The following XPR1 variants were observed in gnomAD, a reference collection of about 807,000 sequenced individuals.
XPR1 encodes the protein solute carrier family 53 member 1.
In XPR1, 28 loss-of-function variants were observed where a neutral mutation model predicts 87.5. That is an observed-to-expected ratio of 0.32 (90% CI 0.24 to 0.44). The LOEUF is 0.44. XPR1 is among the 20% of genes least tolerant of loss of function. XPR1 has a pLI of 1.00. For synonymous variants in XPR1, 300 were observed against 306.1 expected (o/e 0.98, Z 0.21); for missense variants, 559 against 862.3 (o/e 0.65, Z 4.41).
rs372750102 is a variant in XPR1 at position 180,864,020 on chromosome 1, G to T, written c.1668+146G>T. On this transcript the variant is annotated intron_variant, in intron 12 of 14. Transcript: ENST00000367590. ...ACAAAAATACTAATTCATTCGGTCA[G>T]CAAAAATATATTAGATGTTTACTAT... 12 of 597,760 alleles carry T rather than the reference G, an allele frequency of 2.0e-5. No homozygotes were observed. In the South Asian group the frequency reaches 7.7e-4, roughly 38 times the overall value. The allele number at this position is 597,760 out of a possible 1,614,324, so 37.0% of individuals were successfully genotyped here. A position where few individuals can be genotyped will look rare whatever the true frequency, so the allele number is the denominator to read the frequency against.
chr1:180,634,460 TAG>T (rs1488880619), intron 1 of XPR1, among the ~76,000 whole-genome samples: 4 of 152,168 alleles, frequency 2.6e-5, no homozygotes, highest in African/African-American at 9.7e-5. Context: ...TTAAAAGTAA[TAG>T]AGAGATGTAA....
At position 180,889,292 on chromosome 1, in the gene XPR1, G is replaced by A. The variant is rs80233020; in HGVS notation, c.*5226G>A. On this transcript the variant is annotated 3_prime_UTR_variant, in exon 15 of 15. Transcript: ENST00000367590. ...TAACCTATTGTTTGCCTTGGATTCA[G>A]TATATCTACTAAGTACACAGTCTCG... 2.0e-3 allele frequency: 308 copies of A among 152,344 alleles called. 2 individuals are homozygous for A. Among genetic ancestry groups the A allele is most frequent in the African/African-American group, 7.2e-3 (298 of 41,574 alleles). 9.4% of individuals were successfully genotyped at this position (152,344 alleles called of 1,614,324 possible). A position where few individuals can be genotyped will look rare whatever the true frequency, so the allele number is the denominator to read the frequency against.
At chr1:180,839,951 C>T (rs1056921265) in intron 11 of XPR1, among the ~76,000 whole-genome samples, 5 of 151,738 alleles carry the variant, frequency 3.3e-5, no homozygotes, top group African/African-American at 7.2e-5. Context: ...CGGCCGGGCG[C>T]GGTGGCTCAC....
At chr1:180,652,946 A>C (rs1655343325) in intron 1 of XPR1, among the ~76,000 whole-genome samples, 1 of 152,182 alleles carries the variant, frequency 6.6e-6, no homozygotes, top group Non-Finnish European at 1.5e-5. Flanking sequence ...CAGTCATCTC[A>C]AGGCTTCACT....
At chr1:180,849,966 A>G (rs1651811099) in intron 11 of XPR1, among the ~76,000 whole-genome samples, 1 of 152,144 alleles carries the variant, frequency 6.6e-6, no homozygotes, top group Middle Eastern at 3.2e-3. Flanking sequence ...TTCTCCCATC[A>G]GCTTTTATTC....
intron 2 of XPR1, among the ~76,000 whole-genome samples, chr1:180,691,234 T>C (rs893203446): frequency 6.6e-6 from 1 of 152,154 alleles, no homozygotes; most frequent in Non-Finnish European, 1.5e-5. Context: ...CCGTTTCTTT[T>C]TGTGTTTTTA....
chr1:180,720,993 G>A (rs1325170357), intron 2 of XPR1, among the ~76,000 whole-genome samples: 1 of 152,132 alleles, frequency 6.6e-6, no homozygotes, highest in Non-Finnish European at 1.5e-5. Flanking sequence ...CCAGCACTTT[G>A]GGAGGCTGAA....
At chr1:180,792,391 G>T (rs1649421094) in intron 3 of XPR1, among the ~76,000 whole-genome samples, 1 of 152,088 alleles carries the variant, frequency 6.6e-6, no homozygotes, top group Non-Finnish European at 1.5e-5. Context: ...CTAAAATTTG[G>T]AATTTTTTTC....
rs541827111 is a variant in XPR1 at position 180,709,229 on chromosome 1, GT to G, written c.121+26822del. Among the ~76,000 whole-genome samples the G allele has an allele frequency of 2.6e-5, 4 of 152,302 alleles. No individual in the cohort carries two copies. In the East Asian group the frequency reaches 7.7e-4, roughly 29 times the overall value. ...CCGTGCCCGGCCATAAGCATGTAAAGTTTTAAAGAAAAGCAGCTTTTATCTC... is the reference window on the plus strand; with the variant it reads ...CCGTGCCCGGCCATAAGCATGTAAAGTTTAAAGAAAAGCAGCTTTTATCTC... On this transcript the variant is annotated intron_variant, in intron 2 of 14. Transcript: ENST00000367590.
At chr1:180,727,592 C>G (rs193024384) in intron 2 of XPR1, among the ~76,000 whole-genome samples, 3 of 152,032 alleles carry the variant, frequency 2.0e-5, no homozygotes, top group Non-Finnish European at 4.4e-5. Flanking sequence ...TGCAGTGAGC[C>G]GAGATCGCAC....
rs1653056524 is a variant in XPR1, at chr1:180,887,661, G to A, written c.*3595G>A. The A allele has an allele frequency of 6.6e-6, 1 of 152,176 alleles. No individual in the cohort carries two copies. The highest frequency in any genetic ancestry group is 1.5e-5 in the Non-Finnish European group (1 of 68,024). The allele number at this position is 152,176 out of a possible 1,614,324, so 9.4% of individuals were successfully genotyped here. ...CTGCTTAACTTCCGTCAGAAGCAAA[G>A]GTGTGGGAGAACACCATTCACCTCA... On this transcript the variant is annotated 3_prime_UTR_variant, in exon 15 of 15. Coordinates refer to ENST00000367590, the MANE Select transcript of XPR1 (RefSeq NM_004736.4).
intron 5 of XPR1, 128 bp downstream of exon 5, chr1:180,806,339 T>C: frequency 6.8e-7 from 1 of 1,469,598 alleles, no homozygotes; most frequent in South Asian, 1.3e-5. Context: ...ACCTGTGATT[T>C]TTTTTCATTT....
chr1:180,830,178 C>T (rs572319622), intron 9 of XPR1, among the ~76,000 whole-genome samples: 1 of 152,232 alleles, frequency 6.6e-6, no homozygotes, highest in East Asian at 1.9e-4. Flanking sequence ...AAACTGGTGC[C>T]AGAGCTTCTT....
chr1:180,781,361 T>G (rs1648932159), intron 2 of XPR1, among the ~76,000 whole-genome samples: 1 of 151,926 alleles, frequency 6.6e-6, no homozygotes, highest in East Asian at 1.9e-4. Context: ...TTAAGAAAAT[T>G]GAGAATAGTA....
chr1:180,704,270 ATATATATT>A (rs1279974004), intron 2 of XPR1, among the ~76,000 whole-genome samples: 3 of 140,622 alleles, frequency 2.1e-5, no homozygotes, highest in African/African-American at 7.8e-5. Flanking sequence ...ATATATATAT[ATATATATT>A]ATCAGATTAT....
intron 2 of XPR1, among the ~76,000 whole-genome samples, chr1:180,685,941 C>G (rs1656756409): frequency 6.6e-6 from 1 of 152,044 alleles, no homozygotes; most frequent in African/African-American, 2.4e-5. Context: ...AAAACCAGCT[C>G]CTGGATTCAT....
At chr1:180,840,063 A>G (rs545169781) in intron 11 of XPR1, among the ~76,000 whole-genome samples, 5 of 151,786 alleles carry the variant, frequency 3.3e-5, no homozygotes, top group African/African-American at 1.2e-4. Context: ...CTCTACTAAA[A>G]ATACAAAAAA....
intron 11 of XPR1, among the ~76,000 whole-genome samples, chr1:180,863,207 C>T (rs188454793): frequency 6.6e-6 from 1 of 152,112 alleles, no homozygotes; most frequent in Admixed American, 6.6e-5. Flanking sequence ...GGCATTTTAT[C>T]TAGACTTAGG....
intron 1 of XPR1, among the ~76,000 whole-genome samples, chr1:180,675,973 G>A (rs1383943798): frequency 6.6e-6 from 1 of 152,116 alleles, no homozygotes; most frequent in East Asian, 1.9e-4. Context: ...ACACAAAGTA[G>A]TAAGAAGCAA....
Sources: allele counts gnomAD v4.1 joint callset (sites outside exome capture counted in the v4.1 genomes callset), GRCh38; gene constraint gnomAD v4.1.1; transcripts MANE v1.5; gene names NCBI Gene and HGNC (gene_info 2026-07-23, HGNC 2026-07-21).